DAB1: variants seen among roughly 807,000 people sequenced by gnomAD.
DAB1 encodes DAB adaptor protein 1.
Under a neutral mutation model 64.6 loss-of-function variants are expected in DAB1, and 15 were observed. That is an observed-to-expected ratio of 0.23 (90% CI 0.16 to 0.36). The LOEUF (loss-of-function observed/expected upper bound fraction) is 0.36. Among genes scored for constraint, DAB1 ranks in the 10% least tolerant of loss-of-function variants. The pLI is 1.00. For synonymous variants in DAB1, 235 were observed against 251.9 expected (o/e 0.93, Z 0.64); for missense variants, 596 against 706.7 (o/e 0.84, Z 1.78).
chr1:57,057,261 GTTCA>G (rs1649866210), intron 9 of DAB1, among the ~76,000 whole-genome samples: 1 of 152,128 alleles, frequency 6.6e-6, no homozygotes, highest in African/African-American at 2.4e-5. Flanking sequence ...GTTGATTATC[GTTCA>G]TTCAGTTCAG....
intron 6 of DAB1, among the ~76,000 whole-genome samples, chr1:57,678,764 TTTTGTTTTTTTTTTC>T (rs1646599804): frequency 6.7e-6 from 1 of 148,476 alleles, no homozygotes; most frequent in African/African-American, 2.6e-5. Context: ...GGCAACTGTT[TTTTGTTTTTTTTTTC>T]TTTGTTTTTT....
At chr1:57,174,298 C>T (rs1374291075) in intron 2 of DAB1, among the ~76,000 whole-genome samples, 1 of 152,122 alleles carries the variant, frequency 6.6e-6, no homozygotes, top group Admixed American at 6.5e-5. Context: ...AGACCTGGCC[C>T]AGGATTGTCC....
chr1:58,073,139 C>T (rs894072697), intron 5 of DAB1, among the ~76,000 whole-genome samples: 9 of 152,160 alleles, frequency 5.9e-5, no homozygotes, highest in African/African-American at 2.2e-4. Flanking sequence ...TGATCCCAGG[C>T]ATTCTGATGT....
intron 5 of DAB1, among the ~76,000 whole-genome samples, chr1:58,046,476 G>A (rs878882499): frequency 1.1e-4 from 17 of 151,364 alleles, no homozygotes; most frequent in African/African-American, 2.2e-4. Flanking sequence ...TTTTTTTTTC[G>A]AAGGTAGGAT....
intron 1 of DAB1, among the ~76,000 whole-genome samples, chr1:57,834,311 T>A (rs1474445107): frequency 6.6e-6 from 1 of 152,172 alleles, no homozygotes; most frequent in African/African-American, 2.4e-5. Context: ...ATCAATTAGT[T>A]TCGTCTTGAA....
intron 3 of DAB1, among the ~76,000 whole-genome samples, chr1:58,477,979 A>C (rs1645435660): frequency 6.6e-6 from 1 of 152,154 alleles, no homozygotes; most frequent in Non-Finnish European, 1.5e-5. Context: ...GCCTACCATA[A>C]ATAGGGTCAC....
At chr1:58,356,172 G>T (rs1242843489) in intron 3 of DAB1, among the ~76,000 whole-genome samples, 1 of 152,192 alleles carries the variant, frequency 6.6e-6, no homozygotes, top group Non-Finnish European at 1.5e-5. Context: ...TTCATTTGGT[G>T]CTTGGTTTCC....
chr1:58,240,167 A>G (rs1660225250), intron 4 of DAB1, among the ~76,000 whole-genome samples: 1 of 152,180 alleles, frequency 6.6e-6, no homozygotes, highest in African/African-American at 2.4e-5. Flanking sequence ...TTCCAAAAAT[A>G]GAACCTCAAT....
At chr1:57,005,532 G>A (rs537269803) in intron 14 of DAB1, among the ~76,000 whole-genome samples, 13 of 152,314 alleles carry the variant, frequency 8.5e-5, no homozygotes, top group Non-Finnish European at 1.6e-4. Flanking sequence ...TTGGTTCCAT[G>A]CTGTAGCTGG....
chr1:57,686,866 T>A (rs543708409), intron 6 of DAB1, among the ~76,000 whole-genome samples: 1 of 152,274 alleles, frequency 6.6e-6, no homozygotes, highest in African/African-American at 2.4e-5. Flanking sequence ...TATAAAAGCC[T>A]TCAACAGATG....
chr1:58,374,439 C>A (rs1338523857), intron 3 of DAB1, among the ~76,000 whole-genome samples: 1 of 150,642 alleles, frequency 6.6e-6, no homozygotes, highest in South Asian at 2.1e-4. Flanking sequence ...AATAGGGAAT[C>A]CTTTCCCCAT....
At chr1:57,204,983 G>A (rs980095626) in intron 2 of DAB1, among the ~76,000 whole-genome samples, 8 of 152,298 alleles carry the variant, frequency 5.3e-5, no homozygotes, top group Middle Eastern at 3.4e-3. Flanking sequence ...TTTCTCAGAT[G>A]AGCCACTCAC....
intron 3 of DAB1, among the ~76,000 whole-genome samples, chr1:58,352,501 A>T (rs910926467): frequency 6.6e-6 from 1 of 152,234 alleles, no homozygotes; most frequent in Non-Finnish European, 1.5e-5. Context: ...TTTAGGGATG[A>T]GTAAAGTTTA....
At chr1:57,320,754 TC>T (rs1675642885) in intron 1 of DAB1, among the ~76,000 whole-genome samples, 1 of 152,194 alleles carries the variant, frequency 6.6e-6, no homozygotes, top group Non-Finnish European at 1.5e-5. Flanking sequence ...TAAGGATTAT[TC>T]TAAGTACCCT....
At position 57,069,343 on chromosome 1, in the gene DAB1, G is replaced by A. The variant is rs1018058785; in HGVS notation, c.663+17C>T. On this transcript the variant is annotated intron_variant, in intron 8 of 14. Coordinates refer to ENST00000371236, the MANE Select transcript of DAB1 (RefSeq NM_001365792.1). Reference sequence around the variant, plus strand: ...CTAGTAGTGGTGCAATGGTAAGAGAGGCAAGCAATTTTATACCTGATAAAT... The same window carrying A: ...CTAGTAGTGGTGCAATGGTAAGAGAAGCAAGCAATTTTATACCTGATAAAT... The A allele has an allele frequency of 3.1e-6, 5 of 1,607,506 alleles. No individual in the cohort carries two copies. The highest frequency in any genetic ancestry group is 4.3e-6 in the Non-Finnish European group (5 of 1,174,186).
chr1:57,504,768 C>T (rs1644325909), intron 7 of DAB1, among the ~76,000 whole-genome samples: 1 of 152,180 alleles, frequency 6.6e-6, no homozygotes. Flanking sequence ...GCCAGGTGAT[C>T]AAGCTCAACA....
chr1:58,251,667 G>C (rs1660801111), intron 4 of DAB1, among the ~76,000 whole-genome samples: 1 of 152,210 alleles, frequency 6.6e-6, no homozygotes, highest in Non-Finnish European at 1.5e-5. Flanking sequence ...GACACGAGAT[G>C]AGGTGGAGAG....
intron 4 of DAB1, among the ~76,000 whole-genome samples, chr1:57,132,925 A>G (rs567061490): frequency 6.6e-6 from 1 of 152,306 alleles, no homozygotes; most frequent in Non-Finnish European, 1.5e-5. Flanking sequence ...AAAATCATTT[A>G]TAAAATTTGG....
At position 57,077,095 on chromosome 1, in the gene DAB1, C is replaced by G. The variant is rs6588659; in HGVS notation, c.307-4681G>C. On this transcript the variant is annotated intron_variant, in intron 4 of 14. Transcript: ENST00000371236. ...TGGGGCAGGAATGGGCGAAGGGCATCAAAGAAGGCTTGACGAAGGGGGTGA... is the reference window on the plus strand; with the variant it reads ...TGGGGCAGGAATGGGCGAAGGGCATGAAAGAAGGCTTGACGAAGGGGGTGA... 7.1e-3 allele frequency among the ~76,000 whole-genome samples: 1,076 copies of G among 152,202 alleles called. 19 individuals are homozygous for G. The highest frequency in any genetic ancestry group is 0.024 in the African/African-American group (1,008 of 41,520).
Sources: gnomAD v4.1 joint callset for allele counts (sites outside exome capture counted in the v4.1 genomes callset) on GRCh38, gnomAD v4.1.1 for gene constraint, MANE v1.5 for transcripts, NCBI Gene and HGNC (gene_info 2026-07-23, HGNC 2026-07-21) for gene names.